NLN: variants seen among roughly 807,000 people sequenced by gnomAD.
The protein encoded by NLN is neurolysin, also known as neurolysin, mitochondrial.
A neutral mutation model predicts 79.9 loss-of-function variants in NLN; 64 were observed. The observed-to-expected ratio is 0.80, with a 90% CI of 0.65 to 0.99. NLN has a LOEUF of 0.99. NLN is among the 50% of genes least tolerant of loss of function. The pLI is 0.00. For synonymous variants in NLN, 267 were observed against 296.6 expected, an observed-to-expected ratio of 0.90 and a Z score of 1.02; for missense variants, 835 against 858.7, an observed-to-expected ratio of 0.97 and a Z score of 0.34.
At chr5:65,758,880 A>G (rs1257386995) in intron 2 of NLN, 54 bp downstream of exon 2, 2 of 1,488,092 alleles carry the variant, frequency 1.3e-6, no homozygotes, top group African/African-American at 1.4e-5. Flanking sequence ...ATCTTAAATC[A>G]TTTCATGCTT....
chr5:65,783,160 G>A (rs1345548046), intron 6 of NLN, among the ~76,000 whole-genome samples: 1 of 152,180 alleles, frequency 6.6e-6, no homozygotes, highest in African/African-American at 2.4e-5. Flanking sequence ...GGAAGACTGA[G>A]GAGTTAATGG....
chr5:65,759,649 A>T (rs1050291953), intron 2 of NLN, among the ~76,000 whole-genome samples: 1 of 152,092 alleles, frequency 6.6e-6, no homozygotes, highest in African/African-American at 2.4e-5. Context: ...CTGCAGGAGG[A>T]TTCTCCCTTG....
chr5:65,739,332 T>C (rs191127150), intron 1 of NLN, among the ~76,000 whole-genome samples: 24 of 152,266 alleles, frequency 1.6e-4, no homozygotes, highest in African/African-American at 5.3e-4. Context: ...TTCATCCATG[T>C]TGTCACAAAT....
In NLN at chr5:65,822,892, A is replaced by T. The variant is rs992190176; in HGVS notation, c.2092A>T (p.Ser698Cys). The change falls in exon 13 of 13, where the codon AGT becomes TGT. Residue 698 changes from serine (S) to cysteine (C), a missense_variant. By Grantham distance (112) the Ser-to-Cys change is moderately radical (BLOSUM62 -1). Coordinates refer to ENST00000380985, the MANE Select transcript of NLN (RefSeq NM_020726.5). ...REPNQKAFLMSRGLHAP is the reference protein window; with the variant it reads ...REPNQKAFLMCRGLHAP The stretch of plus-strand genomic sequence containing the variant: ...GCCAAACCAAAAAGCGTTCCTAATG[A>T]GTAGAGGCCTGCATGCTCCGTGAAC... 1.9e-5 allele frequency: 31 copies of T among 1,613,622 alleles called. No homozygotes were observed. Among genetic ancestry groups the T allele is most frequent in the Middle Eastern group, 1.6e-4 (1 of 6,084 alleles).
At chr5:65,807,825 A>T (rs929014871) in intron 9 of NLN, among the ~76,000 whole-genome samples, 11 of 152,212 alleles carry the variant, frequency 7.2e-5, no homozygotes, top group Non-Finnish European at 1.5e-4. Context: ...TGCACTGGGA[A>T]ATCAAAAAGT....
chr5:65,763,444 A>G (rs1454222983), intron 3 of NLN, among the ~76,000 whole-genome samples: 1 of 152,152 alleles, frequency 6.6e-6, no homozygotes, highest in Admixed American at 6.6e-5. Context: ...TTATCTGTAA[A>G]TATCTCGTGG....
At chr5:65,763,741 A>G (rs1759391486) in intron 3 of NLN, among the ~76,000 whole-genome samples, 1 of 100,592 alleles carries the variant, frequency 9.9e-6, no homozygotes, top group African/African-American at 3.8e-5. Flanking sequence ...GCAGAATCCT[A>G]ATTACTTTTT....
intron 9 of NLN, among the ~76,000 whole-genome samples, chr5:65,804,624 G>T (rs140832852): frequency 6.6e-6 from 1 of 152,200 alleles, no homozygotes; most frequent in African/African-American, 2.4e-5. Context: ...CCACCTCCTG[G>T]GTTCAAGCAA....
intron 8 of NLN, among the ~76,000 whole-genome samples, chr5:65,788,850 T>C (rs7728702): frequency 5.9e-5 from 9 of 151,956 alleles, no homozygotes; most frequent in African/African-American, 2.2e-4. Context: ...TACATGCCTA[T>C]AGTCCCAGGT....
chr5:65,814,996 T>G (rs1760639117), intron 12 of NLN, among the ~76,000 whole-genome samples: 1 of 152,232 alleles, frequency 6.6e-6, no homozygotes. Flanking sequence ...TTTTCTGTAT[T>G]TTTCCTAGAG....
chr5:65,787,173 A>T (rs1900184), intron 7 of NLN, among the ~76,000 whole-genome samples: 32,820 of 151,890 alleles, frequency 0.22, 3,689 homozygotes, highest in Middle Eastern at 0.26. Context: ...GATCCCTTGA[A>T]TCTGAGAGTT....
At chr5:65,755,292 A>G (rs1159376965) in intron 1 of NLN, among the ~76,000 whole-genome samples, 1 of 152,228 alleles carries the variant, frequency 6.6e-6, no homozygotes, top group African/African-American at 2.4e-5. Context: ...CTTTTGATCT[A>G]AAACCAAGGC....
Position 65,792,482 on chromosome 5 carries a change from T to G in NLN, c.1354T>G (p.Phe452Val). The G allele has an allele frequency of 1.2e-6, 2 of 1,614,132 alleles. No individual in the cohort carries two copies. Among genetic ancestry groups the G allele is most frequent in the Non-Finnish European group, 1.7e-6 (2 of 1,179,994 alleles). The change falls in exon 9 of 13, where the codon TTC becomes GTC. Residue 452 changes from phenylalanine (F) to valine (V), a missense_variant. Physicochemically the swap from Phe to Val is conservative, Grantham distance 50. Transcript: ENST00000380985. ...AGGAAAATACAATCATGCGGCCTGCTTCGGTCTCCAGCCTGGCTGCCTTCT... is the reference window on the plus strand; with the variant it reads ...AGGAAAATACAATCATGCGGCCTGCGTCGGTCTCCAGCCTGGCTGCCTTCT... Reference protein sequence around the residue: ...REGKYNHAACFGLQPGCLLPD... With the variant: ...REGKYNHAACVGLQPGCLLPD...
intron 1 of NLN, among the ~76,000 whole-genome samples, chr5:65,758,345 G>C (rs996821735): frequency 6.6e-6 from 1 of 152,120 alleles, no homozygotes; most frequent in African/African-American, 2.4e-5. Flanking sequence ...ACAATTCAGT[G>C]TTTGAATTAT....
intron 12 of NLN, 80 bp from the exon 13 acceptor site, chr5:65,822,696 CCCCTA>C: frequency 1.0e-6 from 1 of 998,962 alleles, no homozygotes; most frequent in Non-Finnish European, 1.6e-6. Context: ...TTTTCCTTCA[CCCCTA>C]CCCTCTCCTC....
rs573771781 is a variant in NLN at position 65,812,452 on chromosome 5, A to G, written c.1980+61A>G. 27 of 1,157,076 alleles carry G rather than the reference A, an allele frequency of 2.3e-5. 1 individual carries two copies. In the African/African-American group the frequency reaches 3.0e-4, roughly 13 times the overall value. 71.7% of individuals were successfully genotyped at this position (1,157,076 alleles called of 1,614,324 possible). ...AGTTGCTCCCTCCCCTTTAACTCCT[A>G]GTGTAAAATATTGGTCACATCTAGA... On this transcript the variant is annotated intron_variant, in intron 12 of 12. Coordinates refer to ENST00000380985, the MANE Select transcript of NLN (RefSeq NM_020726.5).
In NLN at chr5:65,761,274, ATTTAT is replaced by A. The variant is rs1416522287; in HGVS notation, c.302-1677_302-1673del. On this transcript the variant is annotated intron_variant, in intron 2 of 12. Transcript: ENST00000380985. ...TCCTTCTTAATATATTTCATAGCTA[ATTTAT>A]TTTATTTTTTTATTATTATTATTAT... Among the ~76,000 whole-genome samples the A allele has an allele frequency of 2.0e-5, 3 of 151,768 alleles. No homozygotes were observed. In the East Asian group the frequency reaches 5.8e-4, roughly 29 times the overall value.
chr5:65,767,581 T>C (rs1409145040), intron 3 of NLN, among the ~76,000 whole-genome samples: 4 of 152,242 alleles, frequency 2.6e-5, no homozygotes, highest in Non-Finnish European at 5.9e-5. Context: ...CCCCATTGTC[T>C]TGGGCACTAA....
intron 9 of NLN, among the ~76,000 whole-genome samples, chr5:65,805,484 G>A (rs1215207118): frequency 6.6e-6 from 1 of 152,308 alleles, no homozygotes; most frequent in Non-Finnish European, 1.5e-5. Flanking sequence ...AAGTTTTAGT[G>A]GTCTGGGTAG....
Sources: allele counts gnomAD v4.1 joint callset (sites outside exome capture counted in the v4.1 genomes callset), GRCh38; gene constraint gnomAD v4.1.1; transcripts MANE v1.5; gene names NCBI Gene and HGNC (gene_info 2026-07-23, HGNC 2026-07-21).